Variants in MGAT5B observed in about 807,000 individuals in gnomAD.
MGAT5B encodes the protein alpha-1,6-mannosylglycoprotein 6-beta-N-acetylglucosaminyltransferase B, also known as N-acetylglucosaminyl-transferase Vb.
A neutral mutation model predicts 95.1 loss-of-function variants in MGAT5B; 54 were observed. The observed-to-expected ratio is 0.57, with a 90% CI of 0.46 to 0.71. The LOEUF is 0.71. MGAT5B is among the 30% of genes least tolerant of loss of function. MGAT5B has a pLI of 0.00. For missense variants in MGAT5B, 935 were observed against 1,088.6 expected, an observed-to-expected ratio of 0.86 and a Z score of 1.99; for synonymous variants, 464 against 451.0, an observed-to-expected ratio of 1.03 and a Z score of -0.36.
At position 76,950,313 on chromosome 17, in the gene MGAT5B, A is replaced by T. The variant is rs2145300232; in HGVS notation, c.*1475A>T. The T allele has an allele frequency of 8.4e-6, 1 of 119,062 alleles. No homozygotes were observed. Among genetic ancestry groups the T allele is most frequent in the East Asian group, 2.2e-4 (1 of 4,452 alleles). The allele number at this position is 119,062 out of a possible 1,614,324, so 7.4% of individuals were successfully genotyped here. ...ACCTGTGGGGGAAAGCAATAGAGAC[A>T]CTCTTTTTCTCTCTTTTTTTTAAAG... On this transcript the variant is annotated 3_prime_UTR_variant, in exon 18 of 18. Transcript: ENST00000569840.
intron 3 of MGAT5B, among the ~76,000 whole-genome samples, chr17:76,898,358 C>T (rs865975634): frequency 1.5e-5 from 2 of 136,084 alleles, no homozygotes; most frequent in Middle Eastern, 4.0e-3. Context: ...GAGACAGAGT[C>T]TTGCTCTGTC....
In MGAT5B at chr17:76,947,871, C is replaced by G. The variant is rs145474400; in HGVS notation, c.1965C>G (p.His655Gln). The G allele has an allele frequency of 2.5e-6, 4 of 1,597,454 alleles. No individual in the cohort carries two copies. Among genetic ancestry groups the G allele is most frequent in the Admixed American group, 1.7e-5 (1 of 58,384 alleles). ...RAPDPALPEA[H>Q]APQSPFVLAP... ...CAGACCCTGCCCTACCAGAGGCCCA[C>G]GCCCCGCAGAGCCCCTTTGTCCTGG... is the stretch of plus-strand genomic sequence containing the variant. The change falls in exon 17 of 18, where the codon CAC becomes CAG. Residue 655 changes from histidine (H) to glutamine (Q), a missense_variant. Physicochemically the swap from His to Gln is conservative, Grantham distance 24. Around this residue, in one of 4 missense-constraint regions of MGAT5B, gnomAD observed 440 missense variants for 523.6 expected, o/e 0.84. Coordinates refer to ENST00000569840, the MANE Select transcript of MGAT5B (RefSeq NM_001199172.2).
rs1968469661 is a variant in MGAT5B, at chr17:76,905,033, G to A, written c.691-136G>A. ...GCTCCCTGGTTTTGGGGGCTAATGAGCCCCTTAGAAAGTGCAGGAGAAGCT... is the reference window on the plus strand; with the variant it reads ...GCTCCCTGGTTTTGGGGGCTAATGAACCCCTTAGAAAGTGCAGGAGAAGCT... On this transcript the variant is annotated intron_variant, in intron 6 of 17. Coordinates refer to ENST00000569840, the MANE Select transcript of MGAT5B (RefSeq NM_001199172.2). This position sits in a 1 kb window ranked among gnomAD's most constrained non-coding sequence, Gnocchi z 4.2. The A allele has an allele frequency of 1.1e-6, 1 of 920,584 alleles. No individual in the cohort carries two copies. Among genetic ancestry groups the A allele is most frequent in the Non-Finnish European group, 1.6e-6 (1 of 637,948 alleles). 57.0% of individuals were successfully genotyped at this position (920,584 alleles called of 1,614,324 possible). A position where few individuals can be genotyped will look rare whatever the true frequency, so the allele number is the denominator to read the frequency against.
Position 76,906,563 on chromosome 17 carries a change from T to C in MGAT5B, c.1025+376T>C, listed in dbSNP as rs1033097441. 6.6e-6 allele frequency among the ~76,000 whole-genome samples: 1 copy of C among 152,188 alleles called. No homozygotes were observed. The highest frequency in any genetic ancestry group is 1.5e-5 in the Non-Finnish European group (1 of 68,040). On this transcript the variant is annotated intron_variant, in intron 8 of 17. Coordinates refer to ENST00000569840, the MANE Select transcript of MGAT5B (RefSeq NM_001199172.2). This position sits in a 1 kb window ranked among gnomAD's most constrained non-coding sequence, Gnocchi z 4.6. ...TTCTCTTCTGAACCTGGGCTCCTTC[T>C]TGGGTCTACTTTAGGGTCTGGAGAC...
At position 76,918,293 on chromosome 17, in the gene MGAT5B, C is replaced by T. The variant is rs1255480017; in HGVS notation, c.1026-6673C>T. Among the ~76,000 whole-genome samples the T allele has an allele frequency of 6.6e-6, 1 of 151,782 alleles. No homozygotes were observed. Among genetic ancestry groups the T allele is most frequent in the Non-Finnish European group, 1.5e-5 (1 of 68,028 alleles). Reference sequence around the variant, plus strand: ...TGTGCCTCCATCTGCCTTTGGACTCCCTTTTCCTCTGAGCCAGGGACCCTG... The same window carrying T: ...TGTGCCTCCATCTGCCTTTGGACTCTCTTTTCCTCTGAGCCAGGGACCCTG... On this transcript the variant is annotated intron_variant, in intron 8 of 17. Coordinates refer to ENST00000569840, the MANE Select transcript of MGAT5B (RefSeq NM_001199172.2). This position sits in a 1 kb window ranked among gnomAD's most constrained non-coding sequence, Gnocchi z 5.1.
chr17:76,916,343 C>G lies in MGAT5B; in HGVS notation c.1026-8623C>G, dbSNP rs1190116493. 1.3e-5 allele frequency among the ~76,000 whole-genome samples: 2 copies of G among 152,268 alleles called. No individual in the cohort carries two copies. Among genetic ancestry groups the G allele is most frequent in the African/African-American group, 4.8e-5 (2 of 41,476 alleles). ...CCAAGTCTGAACATTGACCAATAAGCAAGACCGATGGAGGCCGTGCCGTGT... is the reference window on the plus strand; with the variant it reads ...CCAAGTCTGAACATTGACCAATAAGGAAGACCGATGGAGGCCGTGCCGTGT... On this transcript the variant is annotated intron_variant, in intron 8 of 17. Transcript: ENST00000569840. The surrounding 1 kb of genome is among the most constrained non-coding windows in gnomAD (Gnocchi z 5.3).
chr17:76,908,546 C>T (rs1255772408), intron 8 of MGAT5B, among the ~76,000 whole-genome samples: 1 of 152,110 alleles, frequency 6.6e-6, no homozygotes, highest in Admixed American at 6.5e-5. Flanking sequence ...GGATTACAGG[C>T]ATGAGCCACC....
rs1287984918 is a variant in MGAT5B, at chr17:76,930,511, A to T, written c.1292-2134A>T. On this transcript the variant is annotated intron_variant, in intron 10 of 17. Coordinates refer to ENST00000569840, the MANE Select transcript of MGAT5B (RefSeq NM_001199172.2). This position sits in a 1 kb window ranked among gnomAD's most constrained non-coding sequence, Gnocchi z 4.1. ...CCCTTCCGTGCGGGAAGGTAGATTAAATATCCTTGGACTCAATAAACGGTT... is the reference window on the plus strand; with the variant it reads ...CCCTTCCGTGCGGGAAGGTAGATTATATATCCTTGGACTCAATAAACGGTT... Among the ~76,000 whole-genome samples, 1 of 152,114 alleles carries T rather than the reference A, an allele frequency of 6.6e-6. No individual in the cohort carries two copies. The highest frequency in any genetic ancestry group is 1.5e-5 in the Non-Finnish European group (1 of 68,024).
At chr17:76,891,364 G>A (rs1967861755) in intron 3 of MGAT5B, among the ~76,000 whole-genome samples, 1 of 152,050 alleles carries the variant, frequency 6.6e-6, no homozygotes, top group South Asian at 2.1e-4. Context: ...ATCACATTGA[G>A]GGTTAGGATT....
rs763213959 is a variant in MGAT5B, at chr17:76,940,399, C to T, written c.1585-3C>T. ...CTGATCACTGCGCCCCTTGACTCTGCAGCTCTTCATCGGGTTTGGCTTCCC... is the reference window on the plus strand; with the variant it reads ...CTGATCACTGCGCCCCTTGACTCTGTAGCTCTTCATCGGGTTTGGCTTCCC... On this transcript the variant is annotated splice_polypyrimidine_tract_variant and splice_region_variant and intron_variant, in intron 13 of 17. Coordinates refer to ENST00000569840, the MANE Select transcript of MGAT5B (RefSeq NM_001199172.2). This position sits in a 1 kb window ranked among gnomAD's most constrained non-coding sequence, Gnocchi z 4.3. The T allele has an allele frequency of 6.3e-7, 1 of 1,597,162 alleles. No individual in the cohort carries two copies. Among genetic ancestry groups the T allele is most frequent in the Non-Finnish European group, 8.5e-7 (1 of 1,171,018 alleles).
intron 5 of MGAT5B, among the ~76,000 whole-genome samples, chr17:76,903,911 C>G (rs887638580): frequency 1.3e-5 from 2 of 152,250 alleles, no homozygotes; most frequent in Admixed American, 6.5e-5. Context: ...ACCTTGGCCT[C>G]TAGCCCAATC....
rs1193902918 is a variant in MGAT5B at position 76,916,600 on chromosome 17, A to G, written c.1026-8366A>G. Reference sequence around the variant, plus strand: ...GATCCCTTGAGTCTAGGAGTTCAAGACCAACCTGAGCAAGGAAACCTCATC... The same window carrying G: ...GATCCCTTGAGTCTAGGAGTTCAAGGCCAACCTGAGCAAGGAAACCTCATC... On this transcript the variant is annotated intron_variant, in intron 8 of 17. Transcript: ENST00000569840. This position sits in a 1 kb window ranked among gnomAD's most constrained non-coding sequence, Gnocchi z 5.3. Among the ~76,000 whole-genome samples the G allele has an allele frequency of 6.6e-6, 1 of 152,196 alleles. No individual in the cohort carries two copies. Among genetic ancestry groups the G allele is most frequent in the Non-Finnish European group, 1.5e-5 (1 of 68,028 alleles).
intron 3 of MGAT5B, among the ~76,000 whole-genome samples, chr17:76,897,656 G>T (rs1345925767): frequency 8.3e-6 from 1 of 120,382 alleles, no homozygotes; most frequent in Non-Finnish European, 1.8e-5. Flanking sequence ...TCCCAAGTAA[G>T]GCCACTTTCT....
chr17:76,949,860 T>A lies in MGAT5B; in HGVS notation c.*1022T>A, dbSNP rs62078661. The A allele has an allele frequency of 0.021, 3,126 of 152,472 alleles. 35 individuals carry two copies. The highest frequency in any genetic ancestry group is 0.033 in the Non-Finnish European group (2,269 of 68,142). 9.4% of individuals were successfully genotyped at this position (152,472 alleles called of 1,614,324 possible). On this transcript the variant is annotated 3_prime_UTR_variant, in exon 18 of 18. Transcript: ENST00000569840. Reference sequence around the variant, plus strand: ...GCCCCATGGTACGCCCTGCCCAGTTTCCAGTTGCCCTGTCCACTTACCCTA... The same window carrying A: ...GCCCCATGGTACGCCCTGCCCAGTTACCAGTTGCCCTGTCCACTTACCCTA...
In MGAT5B at chr17:76,917,888, G is replaced by A. The variant is rs1218172355; in HGVS notation, c.1026-7078G>A. On this transcript the variant is annotated intron_variant, in intron 8 of 17. Coordinates refer to ENST00000569840, the MANE Select transcript of MGAT5B (RefSeq NM_001199172.2). This position sits in a 1 kb window ranked among gnomAD's most constrained non-coding sequence, Gnocchi z 6.1. ...AGCCTGGATGAGAAAACCTGGGTTC[G>A]GGCTCAGCATTTACAGGCATTTATT... Among the ~76,000 whole-genome samples the A allele has an allele frequency of 6.6e-6, 1 of 152,156 alleles. No homozygotes were observed. The highest frequency in any genetic ancestry group is 2.1e-4 in the South Asian group (1 of 4,834).
intron 3 of MGAT5B, among the ~76,000 whole-genome samples, chr17:76,890,676 A>T (rs1967830627): frequency 6.6e-6 from 1 of 151,068 alleles, no homozygotes; most frequent in Non-Finnish European, 1.5e-5. Flanking sequence ...GCTAATTTTT[A>T]TATTTTTGTA....
intron 3 of MGAT5B, among the ~76,000 whole-genome samples, chr17:76,892,031 G>A (rs1967887768): frequency 1.3e-5 from 2 of 152,174 alleles, no homozygotes; most frequent in Non-Finnish European, 2.9e-5. Context: ...AGGCTGGTAT[G>A]GTATCAGGGC....
intron 3 of MGAT5B, among the ~76,000 whole-genome samples, chr17:76,884,880 G>T (rs1967566645): frequency 6.6e-6 from 1 of 152,138 alleles, no homozygotes; most frequent in Admixed American, 6.6e-5. Context: ...GGGATTATAG[G>T]TGTGAGCCAC....
intron 15 of MGAT5B, among the ~76,000 whole-genome samples, chr17:76,943,625 G>GGA (rs1304333652): frequency 3.4e-5 from 4 of 118,930 alleles, no homozygotes; most frequent in African/African-American, 1.4e-4. Flanking sequence ...GGGTGGGGTG[G>GGA]GGGGGGGGTC....
Sources: allele counts gnomAD v4.1 joint callset (sites outside exome capture counted in the v4.1 genomes callset), GRCh38; gene constraint gnomAD v4.1.1; regional missense constraint gnomAD v4.1.1; non-coding constraint Gnocchi (gnomAD v3.1); transcripts MANE v1.5; gene names NCBI Gene and HGNC (gene_info 2026-07-23, HGNC 2026-07-21).